Variants in ALDH9A1 observed in about 807,000 individuals in gnomAD.
The protein encoded by ALDH9A1 is aldehyde dehydrogenase 9 family member A1.
ALDH9A1 carries 42 observed loss-of-function variants against 56.6 expected under a neutral mutation model. The observed-to-expected ratio is 0.74, with a 90% CI of 0.58 to 0.96. The LOEUF (loss-of-function observed/expected upper bound fraction) is 0.96, where lower values mean the gene tolerates loss of function less well. Among genes scored for constraint, ALDH9A1 ranks in the 40% least tolerant of loss-of-function variants. ALDH9A1 has a pLI of 0.00. For synonymous variants in ALDH9A1, 242 were observed against 236.0 expected (o/e 1.03, Z -0.23); for missense variants, 661 against 651.5 (o/e 1.01, Z -0.16).
chr1:165,675,199 AAAT>A (rs927456854), intron 6 of ALDH9A1, among the ~76,000 whole-genome samples: 6 of 152,040 alleles, frequency 3.9e-5, no homozygotes, highest in Non-Finnish European at 7.4e-5. Context: ...CATCTCGAAA[AAAT>A]AATAATAATA....
intron 5 of ALDH9A1, 134 bp from the exon 6 acceptor site, chr1:165,679,716 GC>G: frequency 1.1e-6 from 1 of 927,464 alleles, no homozygotes; most frequent in Non-Finnish European, 1.6e-6. Context: ...AATATCCTTT[GC>G]CTTTTGGCTA....
At chr1:165,689,732 G>C (rs557132091) in intron 2 of ALDH9A1, among the ~76,000 whole-genome samples, 1 of 152,058 alleles carries the variant, frequency 6.6e-6, no homozygotes, top group East Asian at 2.0e-4. Context: ...TCAGGAGTTT[G>C]AGACGAGCCT....
intron 2 of ALDH9A1, 40 bp from the exon 3 acceptor site, chr1:165,683,150 A>G: frequency 3.1e-6 from 5 of 1,604,558 alleles, no homozygotes; most frequent in African/African-American, 1.3e-5. Context: ...GACATATTCC[A>G]ATATGTCTTG....
chr1:165,662,935 A>T lies in ALDH9A1; in HGVS notation c.*115T>A, dbSNP rs1648888340. 10 of 902,526 alleles carry T rather than the reference A, an allele frequency of 1.1e-5. No individual in the cohort carries two copies. Among genetic ancestry groups the T allele is most frequent in the Non-Finnish European group, 1.8e-5 (10 of 552,634 alleles). 55.9% of individuals were successfully genotyped at this position (902,526 alleles called of 1,614,324 possible). ...AGAGTAACATGAACCATTCTCTTATACTGAACGCCAAAATTCTGGATGTAA... is the reference window on the plus strand; with the variant it reads ...AGAGTAACATGAACCATTCTCTTATTCTGAACGCCAAAATTCTGGATGTAA... On this transcript the variant is annotated 3_prime_UTR_variant, in exon 11 of 11. Transcript: ENST00000354775.
At chr1:165,690,338 G>C (rs1449152534) in intron 2 of ALDH9A1, among the ~76,000 whole-genome samples, 2 of 151,752 alleles carry the variant, frequency 1.3e-5, no homozygotes, top group African/African-American at 4.8e-5. Context: ...CTACCACTCA[G>C]CTATCCATGA....
intron 6 of ALDH9A1, among the ~76,000 whole-genome samples, chr1:165,669,894 C>T (rs1649123770): frequency 6.6e-6 from 1 of 152,082 alleles, no homozygotes; most frequent in Non-Finnish European, 1.5e-5. Context: ...TTTAGACCCT[C>T]CTATAGAAAG....
intron 1 of ALDH9A1, 64 bp downstream of exon 1, chr1:165,698,314 C>A (rs1342808482): frequency 7.8e-6 from 12 of 1,535,464 alleles, no homozygotes; most frequent in Non-Finnish European, 1.0e-5. Flanking sequence ...GAAACGGGGG[C>A]TGGCCGGGAA....
intron 6 of ALDH9A1, among the ~76,000 whole-genome samples, chr1:165,672,972 A>ACACACACAC (rs1649227819): frequency 8.0e-6 from 1 of 124,226 alleles, no homozygotes; most frequent in Non-Finnish European, 1.6e-5. Context: ...AAAAAATACA[A>ACACACACAC]ACACACACAC....
At chr1:165,670,025 T>C (rs1398154314) in intron 6 of ALDH9A1, among the ~76,000 whole-genome samples, 2 of 152,088 alleles carry the variant, frequency 1.3e-5, no homozygotes, top group Non-Finnish European at 2.9e-5. Flanking sequence ...AGGACAGAGA[T>C]GAACTAAATA....
At chr1:165,686,617 A>C (rs1306496009) in intron 2 of ALDH9A1, among the ~76,000 whole-genome samples, 1 of 152,150 alleles carries the variant, frequency 6.6e-6, no homozygotes, top group Non-Finnish European at 1.5e-5. Flanking sequence ...CACAGGGTTA[A>C]GCAGTCAGAA....
intron 2 of ALDH9A1, among the ~76,000 whole-genome samples, chr1:165,683,887 T>C (rs1649630648): frequency 6.6e-6 from 1 of 152,168 alleles, no homozygotes; most frequent in South Asian, 2.1e-4. Context: ...AAGAATTGAA[T>C]ATGTAAGAAG....
At chr1:165,682,771 C>T in intron 3 of ALDH9A1, 1 of 555,274 alleles carries the variant, frequency 1.8e-6, no homozygotes, top group East Asian at 3.0e-5. Flanking sequence ...TGCACTATCT[C>T]ATTTAATCCT....
intron 2 of ALDH9A1, among the ~76,000 whole-genome samples, chr1:165,688,303 C>T (rs967642888): frequency 3.3e-5 from 5 of 152,030 alleles, no homozygotes; most frequent in African/African-American, 7.3e-5. Flanking sequence ...GGAGACAGAG[C>T]GAGACCTTGT....
intron 6 of ALDH9A1, among the ~76,000 whole-genome samples, chr1:165,672,972 AAC>A (rs67363579): frequency 0.33 from 40,307 of 123,908 alleles, 6,792 homozygotes; most frequent in East Asian, 0.62. Context: ...AAAAAATACA[AAC>A]ACACACACAC....
At chr1:165,676,754 T>C in intron 6 of ALDH9A1, 1 of 501,196 alleles carries the variant, frequency 2.0e-6, no homozygotes, top group East Asian at 6.6e-5. Flanking sequence ...CCTGAGCTGC[T>C]GGAACCTATT....
At chr1:165,674,858 A>G (rs913280846) in intron 6 of ALDH9A1, among the ~76,000 whole-genome samples, 3 of 152,230 alleles carry the variant, frequency 2.0e-5, no homozygotes, top group Non-Finnish European at 4.4e-5. Context: ...CCATTGCCAG[A>G]TGAACGGATA....
intron 8 of ALDH9A1, among the ~76,000 whole-genome samples, chr1:165,668,120 A>G (rs1443022586): frequency 6.6e-6 from 1 of 152,224 alleles, no homozygotes; most frequent in East Asian, 1.9e-4. Flanking sequence ...GCTAAAAATT[A>G]TTAAATTATG....
chr1:165,690,860 GA>G (rs914129634), intron 2 of ALDH9A1, among the ~76,000 whole-genome samples: 13 of 152,338 alleles, frequency 8.5e-5, no homozygotes, highest in Non-Finnish European at 1.6e-4. Context: ...AAGCAGCCAG[GA>G]AGCTCGAACC....
intron 6 of ALDH9A1, among the ~76,000 whole-genome samples, chr1:165,675,399 A>G (rs977638165): frequency 6.6e-6 from 1 of 152,104 alleles, no homozygotes; most frequent in Non-Finnish European, 1.5e-5. Flanking sequence ...AGCAAAGTAC[A>G]AAAGAGTACC....
Sources: gnomAD v4.1 joint callset for allele counts (sites outside exome capture counted in the v4.1 genomes callset) on GRCh38, gnomAD v4.1.1 for gene constraint, MANE v1.5 for transcripts, NCBI Gene and HGNC (gene_info 2026-07-23, HGNC 2026-07-21) for gene names.